The following NUP153 variants were observed in gnomAD, a reference collection of about 807,000 sequenced individuals.
The protein encoded by NUP153 is nucleoporin 153.
In NUP153, 27 loss-of-function variants were observed where a neutral mutation model predicts 134.6. That is an observed-to-expected ratio of 0.20 (90% CI 0.15 to 0.28). NUP153 has a LOEUF of 0.28. Among genes scored for constraint, NUP153 ranks in the 10% least tolerant of loss-of-function variants. NUP153 has a pLI of 1.00. For synonymous variants in NUP153, 640 were observed against 623.5 expected, an observed-to-expected ratio of 1.03 and a Z score of -0.40; for missense variants, 1,821 against 1,731.3, an observed-to-expected ratio of 1.05 and a Z score of -0.92.
In NUP153 at chr6:17,669,564, T is replaced by C. The variant is rs374120509; in HGVS notation, c.853-18A>G. The C allele has an allele frequency of 4.2e-5, 62 of 1,492,898 alleles. No individual in the cohort carries two copies. The African/African-American group carries it at 6.2e-4, about 15-fold the overall frequency. 92.5% of individuals were successfully genotyped at this position (1,492,898 alleles called of 1,614,324 possible). ...ACTGGTGCCTGTAAAGTAAACCCTA[T>C]ATTATTTGTTGCAACATAAAATCTA... On this transcript the variant is annotated intron_variant, in intron 5 of 21. Transcript: ENST00000262077.
At chr6:17,630,751 G>A (rs1765205797) in intron 17 of NUP153, among the ~76,000 whole-genome samples, 1 of 143,428 alleles carries the variant, frequency 7.0e-6, no homozygotes, top group South Asian at 2.2e-4. Flanking sequence ...GAGGGGAGAA[G>A]GGAGGGGAGA....
intron 5 of NUP153, among the ~76,000 whole-genome samples, chr6:17,673,755 A>T (rs964114559): frequency 6.6e-6 from 1 of 152,258 alleles, no homozygotes; most frequent in Non-Finnish European, 1.5e-5. Context: ...ATTACCAGTC[A>T]GAATGAAACC....
chr6:17,692,998 G>C (rs1769376009), intron 1 of NUP153, among the ~76,000 whole-genome samples: 1 of 152,060 alleles, frequency 6.6e-6, no homozygotes, highest in Non-Finnish European at 1.5e-5. Context: ...ATTCTAAAGT[G>C]AATCAGGTAA....
Position 17,615,433 on chromosome 6 carries a change from T to C in NUP153, c.*664A>G, listed in dbSNP as rs550055763. 6.5e-6 allele frequency: 1 copy of C among 152,734 alleles called. No individual in the cohort carries two copies. The highest frequency in any genetic ancestry group is 1.9e-4 in the East Asian group (1 of 5,192). The allele number at this position is 152,734 out of a possible 1,614,324, so 9.5% of individuals were successfully genotyped here. A position where few individuals can be genotyped will look rare whatever the true frequency, so the allele number is the denominator to read the frequency against. Reference sequence around the variant, plus strand: ...AAAAGTACAGAAACAAAATTGTATTTACACAAGTTTCATAATAAAATAATG... The same window carrying C: ...AAAAGTACAGAAACAAAATTGTATTCACACAAGTTTCATAATAAAATAATG... On this transcript the variant is annotated 3_prime_UTR_variant, in exon 22 of 22. Transcript: ENST00000262077. This position sits in a 1 kb window ranked among gnomAD's most constrained non-coding sequence, Gnocchi z 5.7.
chr6:17,688,766 T>C (rs1195596082), intron 1 of NUP153, 148 bp from the exon 2 acceptor site: 3 of 613,874 alleles, frequency 4.9e-6, no homozygotes, highest in South Asian at 4.0e-5. Context: ...GCTAACATAA[T>C]GGTTTTTACA....
At chr6:17,683,295 C>A (rs1450123589) in intron 2 of NUP153, among the ~76,000 whole-genome samples, 1 of 152,054 alleles carries the variant, frequency 6.6e-6, no homozygotes, top group African/African-American at 2.4e-5. Flanking sequence ...TTTACTTTAC[C>A]CAGATCTATC....
At chr6:17,657,518 C>T (rs541700944) in intron 11 of NUP153, among the ~76,000 whole-genome samples, 38 of 152,062 alleles carry the variant, frequency 2.5e-4, no homozygotes, top group Non-Finnish European at 4.9e-4. Context: ...GAGCCAAGAT[C>T]GTGCACTCCA....
intron 1 of NUP153, among the ~76,000 whole-genome samples, chr6:17,691,747 G>C (rs546195251): frequency 6.6e-6 from 1 of 151,574 alleles, no homozygotes; most frequent in African/African-American, 2.4e-5. Flanking sequence ...CTCCAGCTCA[G>C]AAAAACAAAA....
At chr6:17,627,960 T>C (rs557557475) in intron 18 of NUP153, among the ~76,000 whole-genome samples, 120 of 152,334 alleles carry the variant, frequency 7.9e-4, no homozygotes, top group Admixed American at 3.2e-3. Flanking sequence ...CCAAAACTTC[T>C]TATCTTCTAG....
chr6:17,642,734 CAT>C (rs1274422671), intron 14 of NUP153, among the ~76,000 whole-genome samples: 3 of 152,152 alleles, frequency 2.0e-5, no homozygotes, highest in African/African-American at 7.2e-5. Context: ...TACACATACA[CAT>C]ATGTTCACAG....
intron 1 of NUP153, among the ~76,000 whole-genome samples, chr6:17,702,906 G>T (rs1352010139): frequency 6.6e-6 from 1 of 152,036 alleles, no homozygotes; most frequent in African/African-American, 2.4e-5. Context: ...ACATTTTAAA[G>T]ATCAGAATTT....
At chr6:17,629,774 CTGCGATAAAG>C (rs1268444800) in intron 17 of NUP153, among the ~76,000 whole-genome samples, 1 of 152,152 alleles carries the variant, frequency 6.6e-6, no homozygotes, top group African/African-American at 2.4e-5. Context: ...ATCAGACTGG[CTGCGATAAAG>C]TTTGATAAAG....
Position 17,637,637 on chromosome 6 carries a change from T to C in NUP153, c.1980A>G (p.Ser660=). The C allele has an allele frequency of 6.2e-7, 1 of 1,614,080 alleles. No individual in the cohort carries two copies. The highest frequency in any genetic ancestry group is 8.5e-7 in the Non-Finnish European group (1 of 1,180,034). ...IGFGESLKAG[S]SWQCDTCLLQ... is the part of the protein sequence containing the mutation. Reference sequence around the variant, plus strand: ...GTAGACATGTATCACACTGCCATGATGACCCAGCTTTTAAACTCTCCCCAA... The same window carrying C: ...GTAGACATGTATCACACTGCCATGACGACCCAGCTTTTAAACTCTCCCCAA... Residue 660 remains serine, a synonymous_variant, in exon 16 of 22, where the codon TCA becomes TCG. Transcript: ENST00000262077.
At chr6:17,692,198 C>A (rs1769322851) in intron 1 of NUP153, among the ~76,000 whole-genome samples, 1 of 152,132 alleles carries the variant, frequency 6.6e-6, no homozygotes, top group African/African-American at 2.4e-5. Flanking sequence ...ATAAAGCTCA[C>A]TCACTAAAAT....
intron 2 of NUP153, among the ~76,000 whole-genome samples, chr6:17,681,357 T>G (rs887310253): frequency 6.6e-6 from 1 of 151,950 alleles, no homozygotes; most frequent in Admixed American, 6.6e-5. Context: ...GAGGCCGAGG[T>G]GGGCGGATCA....
At chr6:17,648,399 C>G (rs935547678) in intron 12 of NUP153, among the ~76,000 whole-genome samples, 2 of 152,096 alleles carry the variant, frequency 1.3e-5, no homozygotes, top group Non-Finnish European at 2.9e-5. Context: ...GGCGGATCAC[C>G]TGAAGTCAGG....
At chr6:17,618,558 CTCTCT>C (rs1301226264) in intron 20 of NUP153, among the ~76,000 whole-genome samples, 1 of 63,576 alleles carries the variant, frequency 1.6e-5, no homozygotes, top group African/African-American at 4.9e-5. Flanking sequence ...AAGTTAAAAT[CTCTCT>C]TTTTTTTTTT....
intron 8 of NUP153, among the ~76,000 whole-genome samples, chr6:17,667,542 A>T (rs1442766390): frequency 2.0e-5 from 3 of 151,996 alleles, no homozygotes; most frequent in Non-Finnish European, 2.9e-5. Flanking sequence ...GTGAAACCCC[A>T]TCTCTACTAA....
chr6:17,633,053 A>C (rs536738080), intron 16 of NUP153, among the ~76,000 whole-genome samples: 1 of 152,308 alleles, frequency 6.6e-6, no homozygotes, highest in East Asian at 1.9e-4. Context: ...AACCTTATAA[A>C]TGATTTCTTT....
Sources: gnomAD v4.1 joint callset for allele counts (sites outside exome capture counted in the v4.1 genomes callset) on GRCh38, gnomAD v4.1.1 for gene constraint, Gnocchi (gnomAD v3.1) non-coding constraint, MANE v1.5 for transcripts, NCBI Gene and HGNC (gene_info 2026-07-23, HGNC 2026-07-21) for gene names.